CLEC2D: variants seen among roughly 807,000 people sequenced by gnomAD.
The protein encoded by CLEC2D is C-type lectin domain family 2 member D.
Under a neutral mutation model 20.0 loss-of-function variants are expected in CLEC2D, and 16 were observed. The observed-to-expected ratio is 0.80, with a 90% confidence interval of 0.54 to 1.22. The LOEUF (loss-of-function observed/expected upper bound fraction) is 1.22, where lower values mean the gene tolerates loss of function less well. Ranked by LOEUF, CLEC2D falls within the 50% of genes most tolerant of loss-of-function variation. The pLI is 0.00. For synonymous variants in CLEC2D, 77 were observed against 71.1 expected (o/e 1.08, Z -0.42); for missense variants, 207 against 221.5 (o/e 0.93, Z 0.42).
At chr12:9,689,184 A>G (rs761518371) in intron 3 of CLEC2D, among the ~76,000 whole-genome samples, 32 of 152,364 alleles carry the variant, frequency 2.1e-4, no homozygotes, top group African/African-American at 7.0e-4. Context: ...TTAAATAAAT[A>G]GTATGTGTTT....
intron 3 of CLEC2D, 180 bp downstream of exon 3, chr12:9,688,266 A>G (rs1439908782): frequency 1.7e-6 from 2 of 1,157,342 alleles, no homozygotes; most frequent in Non-Finnish European, 2.2e-6. Flanking sequence ...TGAACCATCT[A>G]AAATTACCTT....
intron 2 of CLEC2D, among the ~76,000 whole-genome samples, chr12:9,683,323 T>TTTTTTTTTTTTTTTTTTTTTTTTA: frequency 1.5e-5 from 1 of 68,398 alleles, no homozygotes; most frequent in Non-Finnish European, 2.8e-5. Context: ...TGATAGTTTG[T>TTTTTTTTTTTTTTTTTTTTTTTTA]TTTTTGTGTT....
chr12:9,693,113 A>G (rs142016017), intron 4 of CLEC2D, 182 bp downstream of exon 4: 866 of 1,608,694 alleles, frequency 5.4e-4, no homozygotes, highest in Middle Eastern at 1.2e-3. Flanking sequence ...AAGACCTGTC[A>G]TGGTGAGGTA....
At position 9,692,868 on chromosome 12, in the gene CLEC2D, T is replaced by C. The variant is rs1469976532; in HGVS notation, c.398T>C (p.Ile133Thr). 4 of 1,613,430 alleles carry C rather than the reference T, an allele frequency of 2.5e-6. No homozygotes were observed. Among genetic ancestry groups the C allele is most frequent in the South Asian group, 1.1e-5 (1 of 91,024 alleles). The change falls in exon 4 of 5, where the codon ATT (isoleucine) becomes ACT (threonine). Residue 133 changes from isoleucine (I) to threonine (T), a missense_variant. Physicochemically the swap from Ile to Thr is moderately conservative, Grantham distance 89. Coordinates refer to ENST00000290855, the MANE Select transcript of CLEC2D (RefSeq NM_013269.6). ...TATAAAGGCCCATCTGATCACTGGA[T>C]TGGGCTGAGCAGAGAACAAGGCCAA... ...LRYKGPSDHW[I>T]GLSREQGQPW...
chr12:9,694,504 T>C (rs1487886034), intron 4 of CLEC2D, among the ~76,000 whole-genome samples: 1 of 152,190 alleles, frequency 6.6e-6, no homozygotes, highest in African/African-American at 2.4e-5. Flanking sequence ...GCTAAGGCTT[T>C]GGATGTACTT....
chr12:9,695,713 A>C lies in CLEC2D; in HGVS notation c.*839A>C. 1 of 1,546,456 alleles carries C rather than the reference A, an allele frequency of 6.5e-7. No homozygotes were observed. Among genetic ancestry groups the C allele is most frequent in the Non-Finnish European group, 8.9e-7 (1 of 1,128,120 alleles). ...GAAGTGTGGTTCAGGGCCAGTGCAT[A>C]TTAGTGGACAGCACTTAGTAGCTGT... is the stretch of plus-strand genomic sequence containing the variant. On this transcript the variant is annotated 3_prime_UTR_variant, in exon 5 of 5. Coordinates refer to ENST00000290855, the MANE Select transcript of CLEC2D (RefSeq NM_013269.6).
chr12:9,693,110 G>A (rs1865902222), intron 4 of CLEC2D, 179 bp downstream of exon 4: 8 of 1,611,780 alleles, frequency 5.0e-6, no homozygotes, highest in Non-Finnish European at 6.8e-6. Flanking sequence ...TCCAAGACCT[G>A]TCATGGTGAG....
Position 9,669,751 on chromosome 12 carries a change from A to T in CLEC2D, c.17A>T (p.Asn6Ile). Residue 6 changes from asparagine (N) to isoleucine (I), a missense_variant, in exon 1 of 5, where the codon AAT becomes ATT. By Grantham distance (149) the Asn-to-Ile change is moderately radical. Transcript: ENST00000290855. Reference sequence around the variant, plus strand: ...GGAGGCAAAATGCATGACAGTAACAATGTGGAGAAAGACATTACACCATCT... The same window carrying T: ...GGAGGCAAAATGCATGACAGTAACATTGTGGAGAAAGACATTACACCATCT... MHDSN[N>I]VEKDITPSEL... 1 of 1,613,908 alleles carries T rather than the reference A, an allele frequency of 6.2e-7. No individual in the cohort carries two copies. The highest frequency in any genetic ancestry group is 8.5e-7 in the Non-Finnish European group (1 of 1,179,810).
chr12:9,692,155 A>C (rs1381496176), intron 3 of CLEC2D, among the ~76,000 whole-genome samples: 1 of 151,746 alleles, frequency 6.6e-6, no homozygotes, highest in Non-Finnish European at 1.5e-5. Flanking sequence ...TTTCTTTTTG[A>C]GACAGAATCT....
chr12:9,691,880 G>T (rs774538937), intron 3 of CLEC2D, among the ~76,000 whole-genome samples: 3 of 152,252 alleles, frequency 2.0e-5, no homozygotes, highest in African/African-American at 7.2e-5. Context: ...TCATCTTTAT[G>T]ATTTGAAAGA....
chr12:9,670,860 T>C (rs931988471), intron 1 of CLEC2D, among the ~76,000 whole-genome samples: 2 of 152,222 alleles, frequency 1.3e-5, no homozygotes, highest in African/African-American at 4.8e-5. Flanking sequence ...TGTGCAATGC[T>C]CTACTCATTA....
rs376137077 is a variant in CLEC2D at position 9,669,770 on chromosome 12, A to T, written c.36A>T (p.Thr12=). The change falls in exon 1 of 5, where the codon ACA becomes ACT. Residue 12 remains threonine, a synonymous_variant. Coordinates refer to ENST00000290855, the MANE Select transcript of CLEC2D (RefSeq NM_013269.6). ...HDSNNVEKDI[T]PSELPANPGC... ...GTAACAATGTGGAGAAAGACATTAC[A>T]CCATCTGAATTGCCTGCAAACCCAG... 6.2e-7 allele frequency: 1 copy of T among 1,613,890 alleles called. No individual in the cohort carries two copies. The highest frequency in any genetic ancestry group is 1.1e-5 in the South Asian group (1 of 91,080).
At chr12:9,694,065 C>T (rs919813677) in intron 4 of CLEC2D, 10 of 180,492 alleles carry the variant, frequency 5.5e-5, no homozygotes, top group Non-Finnish European at 9.4e-5. Flanking sequence ...CCTCCCACCT[C>T]GGCCTCCCAA....
intron 1 of CLEC2D, among the ~76,000 whole-genome samples, chr12:9,679,107 A>G (rs181244982): frequency 3.3e-5 from 5 of 152,270 alleles, no homozygotes; most frequent in African/African-American, 1.2e-4. Context: ...TTTTATTTAC[A>G]TGTAAGAATA....
intron 1 of CLEC2D, 44 bp downstream of exon 1, chr12:9,669,839 G>A: frequency 6.8e-7 from 1 of 1,473,550 alleles, no homozygotes; most frequent in Non-Finnish European, 9.5e-7. Flanking sequence ...GACTGGAATG[G>A]GAAGGTAGTG....
In CLEC2D at chr12:9,670,549, G is replaced by T. The variant is rs115982446; in HGVS notation, c.61+754G>T. Among the ~76,000 whole-genome samples the T allele has an allele frequency of 3.4e-3, 517 of 152,302 alleles. 5 individuals carry two copies. Among genetic ancestry groups the T allele is most frequent in the African/African-American group, 0.012 (488 of 41,552 alleles). On this transcript the variant is annotated intron_variant, in intron 1 of 4. Coordinates refer to ENST00000290855, the MANE Select transcript of CLEC2D (RefSeq NM_013269.6). ...AATGCTTTAAACTGTTTGTCGGATAGTTCCAACATCTCTGTCATGTCCTCC... is the reference window on the plus strand; with the variant it reads ...AATGCTTTAAACTGTTTGTCGGATATTTCCAACATCTCTGTCATGTCCTCC...
intron 1 of CLEC2D, among the ~76,000 whole-genome samples, chr12:9,670,546 A>T (rs545404971): frequency 1.3e-5 from 2 of 152,332 alleles, no homozygotes; most frequent in Non-Finnish European, 2.9e-5. Context: ...TGTTTGTCGG[A>T]TAGTTCCAAC....
At chr12:9,693,969 CTTTTTT>C (rs67746754) in intron 4 of CLEC2D, 423 of 63,526 alleles carry the variant, frequency 6.7e-3, no homozygotes, top group Middle Eastern at 0.016. Flanking sequence ...CCTTGCTTGG[CTTTTTT>C]TTTTTTTTTT....
intron 1 of CLEC2D, among the ~76,000 whole-genome samples, chr12:9,677,541 G>A (rs1865545477): frequency 6.6e-6 from 1 of 151,970 alleles, no homozygotes; most frequent in South Asian, 2.1e-4. Flanking sequence ...CCCAGAAGGT[G>A]GTCTATTATG....
Sources: allele counts gnomAD v4.1 joint callset (sites outside exome capture counted in the v4.1 genomes callset), GRCh38; gene constraint gnomAD v4.1.1; transcripts MANE v1.5; gene names NCBI Gene and HGNC (gene_info 2026-07-23, HGNC 2026-07-21).